The following GREB1L variants were observed in gnomAD, a reference collection of about 807,000 sequenced individuals.
GREB1L encodes the protein GREB1 like retinoic acid receptor coactivator.
In GREB1L, 17 loss-of-function variants were observed where a neutral mutation model predicts 200.8. That is an observed-to-expected ratio of 0.08 (90% CI 0.06 to 0.13). GREB1L has a LOEUF of 0.13. Ranked by LOEUF, GREB1L falls within the 10% of genes least tolerant of loss-of-function variation. The probability of loss-of-function intolerance (pLI) is 1.00; values close to 1 mark genes in which losing one functional copy is unlikely to be tolerated. For synonymous variants in GREB1L, 789 were observed against 893.0 expected (o/e 0.88, Z 2.08); for missense variants, 1,657 against 2,367.7 (o/e 0.70, Z 6.23).
intron 1 of GREB1L, among the ~76,000 whole-genome samples, chr18:21,348,874 G>C (rs1023996917): frequency 1.3e-5 from 2 of 152,216 alleles, no homozygotes; most frequent in Non-Finnish European, 2.9e-5. Flanking sequence ...AAGCCAAGGA[G>C]GTGGAAGTGG....
chr18:21,350,486 G>A (rs1359856574), intron 1 of GREB1L, among the ~76,000 whole-genome samples: 4 of 151,950 alleles, frequency 2.6e-5, no homozygotes, highest in Non-Finnish European at 5.9e-5. Flanking sequence ...TGATCCACCC[G>A]CCTCACCCTC....
At chr18:21,394,530 CA>C (rs1357706193) in intron 4 of GREB1L, among the ~76,000 whole-genome samples, 1 of 152,148 alleles carries the variant, frequency 6.6e-6, no homozygotes, top group Non-Finnish European at 1.5e-5. Context: ...CAGATGAATT[CA>C]TATAATACAT....
intron 7 of GREB1L, among the ~76,000 whole-genome samples, chr18:21,424,819 T>A (rs1304950268): frequency 6.6e-6 from 1 of 152,214 alleles, no homozygotes; most frequent in African/African-American, 2.4e-5. Context: ...ATTCCCTGTT[T>A]CATCCCTTTC....
chr18:21,339,873 A>G (rs2039242196), intron 1 of GREB1L, among the ~76,000 whole-genome samples: 1 of 152,240 alleles, frequency 6.6e-6, no homozygotes, highest in Non-Finnish European at 1.5e-5. Flanking sequence ...CTACAACAAT[A>G]CAATTATTTT....
intron 7 of GREB1L, among the ~76,000 whole-genome samples, chr18:21,414,330 A>G (rs1027590580): frequency 3.9e-5 from 6 of 152,210 alleles, no homozygotes; most frequent in African/African-American, 1.4e-4. Context: ...ATAGAAGGGC[A>G]TGTACTAAAA....
intron 5 of GREB1L, among the ~76,000 whole-genome samples, chr18:21,396,111 C>T (rs1183312977): frequency 2.0e-5 from 3 of 149,914 alleles, no homozygotes; most frequent in African/African-American, 4.9e-5. Context: ...GTGGCATGAT[C>T]TCGGCTCACT....
At chr18:21,252,609 T>G (rs2143970629) in intron 1 of GREB1L, among the ~76,000 whole-genome samples, 1 of 150,300 alleles carries the variant, frequency 6.7e-6, no homozygotes, top group African/African-American at 2.4e-5. Context: ...GGCTCAAGCT[T>G]GTAATCCTAG....
chr18:21,415,557 A>G (rs1462045566), intron 7 of GREB1L, among the ~76,000 whole-genome samples: 1 of 152,014 alleles, frequency 6.6e-6, no homozygotes, highest in Non-Finnish European at 1.5e-5. Context: ...GAGGGGAGGG[A>G]GAATGGGAAG....
intron 1 of GREB1L, among the ~76,000 whole-genome samples, chr18:21,268,560 C>CACATAT (rs1204514384): frequency 2.4e-3 from 155 of 63,508 alleles, no homozygotes; most frequent in South Asian, 5.7e-3. Flanking sequence ...CACACACACA[C>CACATAT]ATATATATAT....
chr18:21,253,321 C>G (rs757500952), intron 1 of GREB1L, among the ~76,000 whole-genome samples: 2 of 146,974 alleles, frequency 1.4e-5, no homozygotes, highest in Admixed American at 7.0e-5. Flanking sequence ...GGCACGATCT[C>G]GGTTCACCGC....
At chr18:21,356,114 C>T (rs140430711) in intron 1 of GREB1L, among the ~76,000 whole-genome samples, 2,752 of 150,022 alleles carry the variant, frequency 0.018, 32 homozygotes, top group Non-Finnish European at 0.029. Flanking sequence ...GCTGGGATTA[C>T]AGGCATGTGC....
chr18:21,423,088 G>A (rs1430961646), intron 7 of GREB1L, among the ~76,000 whole-genome samples: 1 of 152,026 alleles, frequency 6.6e-6, no homozygotes, highest in Non-Finnish European at 1.5e-5. Flanking sequence ...GTGCCACCAT[G>A]CCCAGCTAAT....
chr18:21,385,235 A>G (rs1750824643), intron 4 of GREB1L, among the ~76,000 whole-genome samples: 1 of 152,182 alleles, frequency 6.6e-6, no homozygotes, highest in South Asian at 2.1e-4. Context: ...AGTGGGGGAA[A>G]TGGGAGAAGA....
At chr18:21,381,415 GA>G (rs923221809) in intron 2 of GREB1L, among the ~76,000 whole-genome samples, 1,557 of 95,128 alleles carry the variant, frequency 0.016, 12 homozygotes, top group African/African-American at 0.046. Flanking sequence ...CTCAAAAAAA[GA>G]AAAAAAAAAA....
intron 1 of GREB1L, among the ~76,000 whole-genome samples, chr18:21,301,146 T>C (rs1380746071): frequency 6.6e-6 from 1 of 152,260 alleles, no homozygotes; most frequent in African/African-American, 2.4e-5. Context: ...CTTAGAAGCA[T>C]TTAATGTAAC....
chr18:21,448,204 C>A (rs1321855986), intron 11 of GREB1L, among the ~76,000 whole-genome samples: 6 of 150,576 alleles, frequency 4.0e-5, no homozygotes, highest in African/African-American at 1.5e-4. Flanking sequence ...GAAACACAGA[C>A]ATAATGTATA....
At chr18:21,355,180 T>C (rs959447087) in intron 1 of GREB1L, among the ~76,000 whole-genome samples, 3 of 150,576 alleles carry the variant, frequency 2.0e-5, no homozygotes, top group African/African-American at 7.4e-5. Flanking sequence ...AATCACATGC[T>C]GTCTTTTGTT....
Position 21,515,466 on chromosome 18 carries a change from G to C in GREB1L, c.4951G>C (p.Val1651Leu). Reference sequence around the variant, plus strand: ...CAGTAAGAATGTGTCCTTGAAGACTGTCTTGCAGCACATTGAAGCCACACC... The same window carrying C: ...CAGTAAGAATGTGTCCTTGAAGACTCTCTTGCAGCACATTGAAGCCACACC... ...VSSKNVSLKTVLQHIEATPKI... is the reference protein window; with the variant it reads ...VSSKNVSLKTLLQHIEATPKI... The change falls in exon 29 of 33, where the codon GTC becomes CTC. Residue 1651 changes from valine (V) to leucine (L), a missense_variant. By Grantham distance (32) the Val-to-Leu change is conservative. This residue lies in a region of GREB1L where 151 missense variants were observed against 309.6 expected (regional missense o/e 0.49). Transcript: ENST00000424526. 1.9e-6 allele frequency: 3 copies of C among 1,551,656 alleles called. No homozygotes were observed. Among genetic ancestry groups the C allele is most frequent in the Non-Finnish European group, 2.6e-6 (3 of 1,146,962 alleles).
At chr18:21,396,970 G>T (rs1379357009) in intron 5 of GREB1L, among the ~76,000 whole-genome samples, 1 of 152,104 alleles carries the variant, frequency 6.6e-6, no homozygotes, top group Non-Finnish European at 1.5e-5. Context: ...AAAGGAAAAA[G>T]AATAGAGCAA....
Sources: gnomAD v4.1 joint callset for allele counts (sites outside exome capture counted in the v4.1 genomes callset) on GRCh38, gnomAD v4.1.1 for gene constraint, gnomAD v4.1.1 regional missense constraint, MANE v1.5 for transcripts, NCBI Gene and HGNC (gene_info 2026-07-23, HGNC 2026-07-21) for gene names.